PPARGC1B: variants seen among roughly 807,000 people sequenced by gnomAD.
PPARGC1B encodes PPARG coactivator 1 beta.
Under a neutral mutation model 101.6 loss-of-function variants are expected in PPARGC1B, and 34 were observed. The observed-to-expected ratio is 0.33, with a 90% confidence interval of 0.25 to 0.45. The LOEUF (loss-of-function observed/expected upper bound fraction) is 0.45. PPARGC1B is among the 20% of genes least tolerant of loss of function. The probability of loss-of-function intolerance (pLI) is 1.00; values close to 1 mark genes in which losing one functional copy is unlikely to be tolerated. For synonymous variants in PPARGC1B, 548 were observed against 539.3 expected, an observed-to-expected ratio of 1.02 and a Z score of -0.22; for missense variants, 1,234 against 1,317.6, an observed-to-expected ratio of 0.94 and a Z score of 0.98.
chr5:149,769,372 A>G (rs1215307684), intron 1 of PPARGC1B, among the ~76,000 whole-genome samples: 1 of 152,224 alleles, frequency 6.6e-6, no homozygotes, highest in African/African-American at 2.4e-5. Flanking sequence ...TCTGCACTGC[A>G]TAACGTCTTA....
At chr5:149,840,728 C>G (rs1759299469) in intron 9 of PPARGC1B, among the ~76,000 whole-genome samples, 1 of 152,182 alleles carries the variant, frequency 6.6e-6, no homozygotes, top group Non-Finnish European at 1.5e-5. Flanking sequence ...GAAAACACAT[C>G]AGGGGCCTGG....
At chr5:149,786,663 A>G (rs1352008974) in intron 1 of PPARGC1B, among the ~76,000 whole-genome samples, 1 of 152,232 alleles carries the variant, frequency 6.6e-6, no homozygotes, top group African/African-American at 2.4e-5. Flanking sequence ...CCCACTGGAC[A>G]TGAGCTGCTG....
intron 1 of PPARGC1B, among the ~76,000 whole-genome samples, chr5:149,813,557 T>G (rs901196604): frequency 1.3e-5 from 2 of 152,142 alleles, no homozygotes; most frequent in Non-Finnish European, 2.9e-5. Context: ...GGTCAGGGGA[T>G]GAGTTCACGA....
At chr5:149,762,477 G>A (rs889328402) in intron 1 of PPARGC1B, among the ~76,000 whole-genome samples, 1 of 152,138 alleles carries the variant, frequency 6.6e-6, no homozygotes, top group Non-Finnish European at 1.5e-5. Flanking sequence ...TGCCTGCAGA[G>A]CCCTCAGGTA....
chr5:149,802,004 G>A (rs757484079), intron 1 of PPARGC1B, among the ~76,000 whole-genome samples: 3 of 152,132 alleles, frequency 2.0e-5, no homozygotes, highest in Non-Finnish European at 2.9e-5. Flanking sequence ...ACTGAGACCC[G>A]GAGAAGTTAA....
chr5:149,798,018 T>A (rs1256272748), intron 1 of PPARGC1B, among the ~76,000 whole-genome samples: 3 of 152,200 alleles, frequency 2.0e-5, no homozygotes, highest in Non-Finnish European at 4.4e-5. Flanking sequence ...GAGGGACCCA[T>A]GGCTCAAAAA....
chr5:149,789,836 C>T (rs1756949457), intron 1 of PPARGC1B, among the ~76,000 whole-genome samples: 1 of 152,222 alleles, frequency 6.6e-6, no homozygotes, highest in African/African-American at 2.4e-5. Context: ...CAGGAACTGC[C>T]TTATTAACCC....
chr5:149,734,155 C>T (rs1754602094), intron 1 of PPARGC1B, among the ~76,000 whole-genome samples: 1 of 151,860 alleles, frequency 6.6e-6, no homozygotes, highest in Non-Finnish European at 1.5e-5. Context: ...AATCCTGTCT[C>T]TACTAAAAAT....
chr5:149,771,714 T>A (rs1756137665), intron 1 of PPARGC1B, among the ~76,000 whole-genome samples: 1 of 152,226 alleles, frequency 6.6e-6, no homozygotes, highest in Non-Finnish European at 1.5e-5. Context: ...TCCTTTTTCC[T>A]TGTTCTTTCT....
chr5:149,840,965 TG>T (rs1400366222), intron 9 of PPARGC1B, among the ~76,000 whole-genome samples: 3 of 152,186 alleles, frequency 2.0e-5, no homozygotes, highest in Non-Finnish European at 4.4e-5. Context: ...TCTTGGAGTC[TG>T]GGTCTGGTCA....
intron 1 of PPARGC1B, among the ~76,000 whole-genome samples, chr5:149,733,803 A>G (rs1436618115): frequency 6.6e-6 from 1 of 152,262 alleles, no homozygotes; most frequent in African/African-American, 2.4e-5. Context: ...TGCTTAGGGC[A>G]TCAGTCATAG....
At chr5:149,772,448 A>G (rs955965000) in intron 1 of PPARGC1B, among the ~76,000 whole-genome samples, 1 of 152,170 alleles carries the variant, frequency 6.6e-6, no homozygotes. Flanking sequence ...GGGCTACTGT[A>G]ATAAAGTACC....
At chr5:149,744,130 ACAGTGCC>A (rs912709187) in intron 1 of PPARGC1B, among the ~76,000 whole-genome samples, 7 of 152,220 alleles carry the variant, frequency 4.6e-5, no homozygotes, top group African/African-American at 1.7e-4. Context: ...ACCAGTGACC[ACAGTGCC>A]CAGCCCAAGA....
chr5:149,830,737 C>T lies in PPARGC1B; in HGVS notation c.466-30C>T, dbSNP rs577559445. ...ATGTCCTCTGGCTGTGGCTCAGCCC[C>T]GGCTCCTGTCCTCTCTGCTTTTCCC... On this transcript the variant is annotated intron_variant, in intron 3 of 11. Transcript: ENST00000309241. The T allele has an allele frequency of 1.5e-4, 229 of 1,554,068 alleles. 1 individual carries two copies. The highest frequency in any genetic ancestry group is 3.7e-4 in the South Asian group (33 of 89,870).
chr5:149,750,498 G>A (rs1755257455), intron 1 of PPARGC1B, among the ~76,000 whole-genome samples: 2 of 119,972 alleles, frequency 1.7e-5, no homozygotes, highest in South Asian at 2.4e-4. Flanking sequence ...ATGTTAATAG[G>A]GGAAGGAAGG....
chr5:149,770,577 TC>T lies in PPARGC1B; in HGVS notation c.78+40160del, dbSNP rs1379167737. Among the ~76,000 whole-genome samples the T allele has an allele frequency of 5.3e-5, 8 of 152,072 alleles. No individual in the cohort carries two copies. In the East Asian group the frequency reaches 1.5e-3, roughly 29 times the overall value. On this transcript the variant is annotated intron_variant, in intron 1 of 11. Transcript: ENST00000309241. ...TGCAAATAGTAGGACCTTCCTTTTC[TC>T]CCAAGGGTTGTGATAAGAATAAAAT...
intron 1 of PPARGC1B, among the ~76,000 whole-genome samples, chr5:149,784,069 C>T (rs1450134747): frequency 6.6e-6 from 1 of 152,086 alleles, no homozygotes; most frequent in East Asian, 1.9e-4. Context: ...GCACCTCACA[C>T]TCAGTGTGTT....
At chr5:149,752,779 A>G (rs561528293) in intron 1 of PPARGC1B, among the ~76,000 whole-genome samples, 2 of 152,208 alleles carry the variant, frequency 1.3e-5, no homozygotes, top group South Asian at 4.1e-4. Context: ...CAGTGAGCCA[A>G]GATCGTACCA....
At chr5:149,764,175 T>C (rs1755822145) in intron 1 of PPARGC1B, among the ~76,000 whole-genome samples, 1 of 152,170 alleles carries the variant, frequency 6.6e-6, no homozygotes, top group South Asian at 2.1e-4. Flanking sequence ...ATAGAGAAAC[T>C]GAGGTCCAGA....
Sources: allele counts gnomAD v4.1 joint callset (sites outside exome capture counted in the v4.1 genomes callset), GRCh38; gene constraint gnomAD v4.1.1; transcripts MANE v1.5; gene names NCBI Gene and HGNC (gene_info 2026-07-23, HGNC 2026-07-21).